Variants in NBEAL1 observed in about 807,000 individuals in gnomAD.
NBEAL1 encodes the protein neurobeachin like 1.
In NBEAL1, 273 loss-of-function variants were observed where a neutral mutation model predicts 351.3. That is an observed-to-expected ratio of 0.78 (90% CI 0.70 to 0.86). The LOEUF (loss-of-function observed/expected upper bound fraction) is 0.86, where lower values mean the gene tolerates loss of function less well. NBEAL1 is among the 40% of genes least tolerant of loss of function. NBEAL1 has a pLI of 0.00. For missense variants in NBEAL1, 2,961 were observed against 3,201.3 expected (o/e 0.92, Z 1.81); for synonymous variants, 1,050 against 1,086.4 (o/e 0.97, Z 0.66).
intron 53 of NBEAL1, among the ~76,000 whole-genome samples, chr2:203,210,623 C>T (rs977916953): frequency 2.0e-5 from 3 of 152,140 alleles, no homozygotes; most frequent in Admixed American, 6.5e-5. Flanking sequence ...AAGATTGTGC[C>T]ACTGCACTCC....
Position 203,145,039 on chromosome 2 carries a change from C to T in NBEAL1, c.5183C>T (p.Ala1728Val), listed in dbSNP as rs750106618. 2 of 1,606,684 alleles carry T rather than the reference C, an allele frequency of 1.2e-6. No homozygotes were observed. Among genetic ancestry groups the T allele is most frequent in the East Asian group, 4.5e-5 (2 of 44,730 alleles). The change falls in exon 33 of 56, where the codon GCT (alanine) becomes GTT (valine). Residue 1728 changes from alanine (A) to valine (V), a missense_variant. Transcript: ENST00000683969. ...GTACCTTATATGAAGCAGTATGAAG[C>T]TCATACATTTTACGATGGTCATGAG... ...YIVPYMKQYEAHTFYDGHENM... is the reference protein window; with the variant it reads ...YIVPYMKQYEVHTFYDGHENM...
chr2:203,126,104 C>G lies in NBEAL1; in HGVS notation c.2985+11C>G. 1 of 1,534,550 alleles carries G rather than the reference C, an allele frequency of 6.5e-7. No homozygotes were observed. Among genetic ancestry groups the G allele is most frequent in the Non-Finnish European group, 8.8e-7 (1 of 1,141,152 alleles). On this transcript the variant is annotated intron_variant, in intron 21 of 55. Coordinates refer to ENST00000683969, the MANE Select transcript of NBEAL1 (RefSeq NM_001378026.1). ...GCTTTACTTCAGAAGGTGAGCCAGT[C>G]TAACATTGTGTTGATGTAGCTAATA...
chr2:203,203,744 A>G (rs750636577), intron 51 of NBEAL1, among the ~76,000 whole-genome samples: 4 of 151,954 alleles, frequency 2.6e-5, no homozygotes, highest in Non-Finnish European at 5.9e-5. Context: ...TTGTTTTCTT[A>G]TATTACAATC....
intron 7 of NBEAL1, among the ~76,000 whole-genome samples, chr2:203,074,193 G>A (rs2061728323): frequency 6.6e-6 from 1 of 151,602 alleles, no homozygotes; most frequent in Non-Finnish European, 1.5e-5. Context: ...ATACCATGTT[G>A]TTCACCATAA....
chr2:203,128,379 A>T (rs1489475160), intron 24 of NBEAL1, among the ~76,000 whole-genome samples: 5 of 148,962 alleles, frequency 3.4e-5, no homozygotes, highest in Admixed American at 2.0e-4. Flanking sequence ...AAGTGCTAGG[A>T]TTACAGGCGT....
At chr2:203,204,669 C>T (rs1192997327) in intron 51 of NBEAL1, among the ~76,000 whole-genome samples, 1 of 151,966 alleles carries the variant, frequency 6.6e-6, no homozygotes, top group Non-Finnish European at 1.5e-5. Context: ...TGTTTCAGGT[C>T]CTTTTTATGT....
intron 25 of NBEAL1, among the ~76,000 whole-genome samples, chr2:203,131,573 T>C (rs2063073653): frequency 6.6e-6 from 1 of 152,238 alleles, no homozygotes; most frequent in African/African-American, 2.4e-5. Context: ...CCTATTCTTT[T>C]ATGCCTATTG....
In NBEAL1 at chr2:203,190,325, A is replaced by G; in HGVS notation, c.6857A>G (p.Lys2286Arg). Residue 2286 changes from lysine (K) to arginine (R), a missense_variant, in exon 46 of 56, where the codon AAA becomes AGA. Transcript: ENST00000683969. The stretch of plus-strand genomic sequence containing the variant: ...GATCTGGATGCCTTAACAGATGAGA[A>G]AGAAAGAAAAGCCTTAGAAGGGATG... ...AVDLDALTDE[K>R]ERKALEGMIN... 4 of 1,612,432 alleles carry G rather than the reference A, an allele frequency of 2.5e-6. No homozygotes were observed. The highest frequency in any genetic ancestry group is 1.3e-5 in the African/African-American group (1 of 74,886).
chr2:203,078,221 A>C (rs2061810951), intron 8 of NBEAL1, among the ~76,000 whole-genome samples: 1 of 152,162 alleles, frequency 6.6e-6, no homozygotes, highest in Non-Finnish European at 1.5e-5. Flanking sequence ...TATAATACTA[A>C]ATGTATTTTT....
chr2:203,214,399 G>A (rs1559072543), intron 55 of NBEAL1, among the ~76,000 whole-genome samples: 3 of 151,902 alleles, frequency 2.0e-5, no homozygotes, highest in African/African-American at 7.3e-5. Context: ...GTAAAAACCT[G>A]TTTTATAAAT....
intron 16 of NBEAL1, 54 bp downstream of exon 16, chr2:203,112,152 A>C: frequency 2.0e-6 from 3 of 1,508,572 alleles, no homozygotes; most frequent in Non-Finnish European, 1.8e-6. Context: ...AATTCTTGAA[A>C]TGTTTTAGTT....
intron 10 of NBEAL1, among the ~76,000 whole-genome samples, chr2:203,096,138 A>T (rs138679831): frequency 1.3e-5 from 2 of 152,190 alleles, no homozygotes; most frequent in Non-Finnish European, 2.9e-5. Context: ...TTTAATATGT[A>T]TAGCTATTTG....
chr2:203,023,611 T>A (rs2060803565), intron 2 of NBEAL1, among the ~76,000 whole-genome samples: 1 of 151,522 alleles, frequency 6.6e-6, no homozygotes, highest in South Asian at 2.1e-4. Flanking sequence ...GTGTGTTTTT[T>A]TTTTTTCTGT....
intron 18 of NBEAL1, among the ~76,000 whole-genome samples, chr2:203,117,429 C>A (rs1165119552): frequency 6.6e-6 from 1 of 150,854 alleles, no homozygotes; most frequent in Admixed American, 6.6e-5. Context: ...TGCCACTGCA[C>A]TCCAGCCTGG....
rs1369023014 is a variant in NBEAL1 at position 203,218,136 on chromosome 2, C to G, written c.*782C>G. The G allele has an allele frequency of 6.0e-6, 1 of 167,954 alleles. No individual in the cohort carries two copies. Among genetic ancestry groups the G allele is most frequent in the Non-Finnish European group, 1.2e-5 (1 of 82,566 alleles). The allele number at this position is 167,954 out of a possible 1,614,324, so 10.4% of individuals were successfully genotyped here. A position where few individuals can be genotyped will look rare whatever the true frequency, so the allele number is the denominator to read the frequency against. Reference sequence around the variant, plus strand: ...TCCGAATTTCTTGACTCTTTCTTCACTAAGCAAATACTGTTTTACTCTAAT... The same window carrying G: ...TCCGAATTTCTTGACTCTTTCTTCAGTAAGCAAATACTGTTTTACTCTAAT... On this transcript the variant is annotated 3_prime_UTR_variant, in exon 56 of 56. Transcript: ENST00000683969.
At chr2:203,137,986 G>A (rs1461614825) in intron 29 of NBEAL1, among the ~76,000 whole-genome samples, 176 bp from the exon 30 acceptor site, 2 of 101,766 alleles carry the variant, frequency 2.0e-5, no homozygotes, top group African/African-American at 3.1e-5. Flanking sequence ...TCTGCACTCC[G>A]TCTCAAAAAA....
At chr2:203,084,021 T>TGTGTGTGTGTG (rs2061920822) in intron 9 of NBEAL1, among the ~76,000 whole-genome samples, 8 of 150,368 alleles carry the variant, frequency 5.3e-5, no homozygotes, top group South Asian at 4.2e-4. Context: ...TGTGTGTGTG[T>TGTGTGTGTGTG]TTCTCTTCCC....
At chr2:203,054,441 A>AT (rs1377299075) in intron 4 of NBEAL1, among the ~76,000 whole-genome samples, 24 of 149,072 alleles carry the variant, frequency 1.6e-4, no homozygotes, top group East Asian at 5.9e-4. Flanking sequence ...AAAAAAAAAA[A>AT]TTTTTTTTTT....
intron 2 of NBEAL1, among the ~76,000 whole-genome samples, chr2:203,034,378 C>G (rs546507824): frequency 6.7e-6 from 1 of 148,184 alleles, no homozygotes; most frequent in African/African-American, 2.5e-5. Flanking sequence ...AGGATAGTCT[C>G]GATATCCTGA....
Sources: allele counts gnomAD v4.1 joint callset (sites outside exome capture counted in the v4.1 genomes callset), GRCh38; gene constraint gnomAD v4.1.1; transcripts MANE v1.5; gene names NCBI Gene and HGNC (gene_info 2026-07-23, HGNC 2026-07-21).